HDAC9: variants seen among roughly 807,000 people sequenced by gnomAD.
HDAC9 encodes histone deacetylase 9.
In HDAC9, 41 loss-of-function variants were observed where a neutral mutation model predicts 139.4. The ratio of observed to expected loss-of-function variants is 0.29; its 90% CI spans 0.23 to 0.38. The LOEUF (loss-of-function observed/expected upper bound fraction) is 0.38. HDAC9 is among the 10% of genes least tolerant of loss of function. The pLI is 1.00. For missense variants in HDAC9, 1,147 were observed against 1,297.0 expected (o/e 0.88, Z 1.78); for synonymous variants, 517 against 476.2 (o/e 1.09, Z -1.12).
intron 2 of HDAC9, among the ~76,000 whole-genome samples, chr7:18,570,144 A>T (rs931463437): frequency 2.5e-4 from 38 of 152,164 alleles, no homozygotes; most frequent in Non-Finnish European, 8.8e-5. Context: ...GTAGATTCAC[A>T]GATTGGAGAG....
intron 2 of HDAC9, among the ~76,000 whole-genome samples, chr7:18,251,482 C>T (rs1161394146): frequency 6.6e-6 from 1 of 152,040 alleles, no homozygotes; most frequent in African/African-American, 2.4e-5. Flanking sequence ...GTGTAACAAA[C>T]CTGTGCATTG....
chr7:18,252,834 C>T (rs554254532), intron 2 of HDAC9, among the ~76,000 whole-genome samples: 8 of 152,184 alleles, frequency 5.3e-5, no homozygotes, highest in East Asian at 3.9e-4. Flanking sequence ...ACTTGCACCA[C>T]GGGACTTTGC....
chr7:18,591,771 C>G, intron 5 of HDAC9, 129 bp downstream of exon 5: 3 of 1,225,240 alleles, frequency 2.4e-6, no homozygotes, highest in Non-Finnish European at 3.4e-6. Flanking sequence ...TCCTTCAGTT[C>G]TCTAAGGATC....
At chr7:18,588,650 A>G (rs1231509403) in intron 3 of HDAC9, among the ~76,000 whole-genome samples, 5 of 152,118 alleles carry the variant, frequency 3.3e-5, no homozygotes, top group African/African-American at 1.2e-4. Flanking sequence ...AATGTGAGGA[A>G]CATGCCATTG....
In HDAC9 at chr7:18,634,933, A is replaced by G. The variant is rs775110418; in HGVS notation, c.912+191A>G. On this transcript the variant is annotated intron_variant, in intron 8 of 25. Coordinates refer to ENST00000686413, the MANE Select transcript of HDAC9 (RefSeq NM_178425.4). ...TAACTAATGTAAATATTATAAACCT[A>G]TAAGAAATGAACTGATATTTATTAG... is the stretch of plus-strand genomic sequence containing the variant. Among the ~76,000 whole-genome samples, 134 of 152,122 alleles carry G rather than the reference A, an allele frequency of 8.8e-4. 8 individuals are homozygous for G. Among genetic ancestry groups the G allele is most frequent in the Non-Finnish European group, 3.2e-4 (22 of 68,008 alleles).
At chr7:18,658,304 A>C (rs959386221) in intron 11 of HDAC9, among the ~76,000 whole-genome samples, 2 of 152,140 alleles carry the variant, frequency 1.3e-5, no homozygotes, top group African/African-American at 4.8e-5. Context: ...AGAATGAAAA[A>C]ATGGGTGGGC....
intron 22 of HDAC9, among the ~76,000 whole-genome samples, chr7:18,928,519 A>G (rs1221946944): frequency 1.3e-5 from 2 of 152,210 alleles, no homozygotes; most frequent in Non-Finnish European, 2.9e-5. Context: ...TACATTGGTC[A>G]CTTTGATTAT....
intron 1 of HDAC9, among the ~76,000 whole-genome samples, chr7:18,368,633 T>C (rs1272337707): frequency 6.6e-6 from 1 of 152,118 alleles, no homozygotes; most frequent in East Asian, 1.9e-4. Flanking sequence ...TTTTCCCATC[T>C]GCCCCTTTAT....
At chr7:18,956,220 C>T (rs1289575566) in intron 24 of HDAC9, among the ~76,000 whole-genome samples, 6 of 152,078 alleles carry the variant, frequency 3.9e-5, no homozygotes, top group South Asian at 4.1e-4. Flanking sequence ...AAATCCATTT[C>T]CTTCTAAACT....
chr7:18,414,723 A>G (rs1391572898), intron 1 of HDAC9, among the ~76,000 whole-genome samples: 1 of 152,220 alleles, frequency 6.6e-6, no homozygotes, highest in East Asian at 1.9e-4. Flanking sequence ...AAACATTGTA[A>G]TGGTAGGCAC....
chr7:18,913,711 C>A (rs376200372), intron 22 of HDAC9, among the ~76,000 whole-genome samples: 21 of 151,186 alleles, frequency 1.4e-4, no homozygotes, highest in African/African-American at 4.1e-4. Flanking sequence ...GAAGTTAAAA[C>A]CCTAGAAGAT....
chr7:18,371,411 A>G (rs74769565), intron 1 of HDAC9, among the ~76,000 whole-genome samples: 10 of 152,186 alleles, frequency 6.6e-5, no homozygotes, highest in Non-Finnish European at 1.2e-4. Context: ...GGTTAAATGC[A>G]TTAACTAAAT....
chr7:18,872,153 A>T (rs13238305), intron 21 of HDAC9, among the ~76,000 whole-genome samples: 5,192 of 152,150 alleles, frequency 0.034, 199 homozygotes, highest in African/African-American at 0.092. Flanking sequence ...ATTCTAGGCA[A>T]GTATATTTTT....
intron 2 of HDAC9, among the ~76,000 whole-genome samples, chr7:18,572,824 A>G (rs1162683115): frequency 6.6e-6 from 1 of 152,032 alleles, no homozygotes; most frequent in African/African-American, 2.4e-5. Flanking sequence ...GCTTTTACTC[A>G]GTTCTTAAAT....
chr7:18,595,679 C>G (rs1459022612), intron 6 of HDAC9, among the ~76,000 whole-genome samples: 2 of 152,006 alleles, frequency 1.3e-5, no homozygotes, highest in African/African-American at 4.8e-5. Context: ...AGAAAGACTT[C>G]TATCCTGCTG....
intron 2 of HDAC9, among the ~76,000 whole-genome samples, chr7:18,531,799 C>G (rs1261394771): frequency 6.6e-6 from 1 of 151,920 alleles, no homozygotes; most frequent in African/African-American, 2.4e-5. Context: ...TGTTGGAGTT[C>G]TATTGAACTC....
chr7:18,342,773 T>C (rs1490820860), intron 1 of HDAC9, among the ~76,000 whole-genome samples: 2 of 151,896 alleles, frequency 1.3e-5, no homozygotes, highest in African/African-American at 4.8e-5. Flanking sequence ...TGAAACAGTC[T>C]TTCATTTGTA....
intron 24 of HDAC9, among the ~76,000 whole-genome samples, chr7:18,970,070 G>T (rs1784147915): frequency 6.6e-6 from 1 of 152,120 alleles, no homozygotes; most frequent in Non-Finnish European, 1.5e-5. Context: ...TCTTGAGAAG[G>T]ATAAATTAAA....
At chr7:18,838,480 T>C (rs1796379135) in intron 21 of HDAC9, among the ~76,000 whole-genome samples, 1 of 151,950 alleles carries the variant, frequency 6.6e-6, no homozygotes, top group South Asian at 2.1e-4. Flanking sequence ...GAAATGATCT[T>C]TCTGTATTGG....
Sources: allele counts gnomAD v4.1 joint callset (sites outside exome capture counted in the v4.1 genomes callset), GRCh38; gene constraint gnomAD v4.1.1; transcripts MANE v1.5; gene names NCBI Gene and HGNC (gene_info 2026-07-23, HGNC 2026-07-21).